AGMO: variants seen among roughly 807,000 people sequenced by gnomAD.
AGMO encodes the protein alkylglycerol monooxygenase, also known as glyceryl-ether monooxygenase.
A neutral mutation model predicts 60.2 loss-of-function variants in AGMO; 75 were observed. The observed-to-expected ratio is 1.25, with a 90% CI of 1.03 to 1.51. AGMO has a LOEUF of 1.51. Ranked by LOEUF, AGMO falls within the 40% of genes most tolerant of loss-of-function variation. The probability of loss-of-function intolerance (pLI) is 0.00; values close to 1 mark genes in which losing one functional copy is unlikely to be tolerated. For missense variants in AGMO, 763 were observed against 525.5 expected (o/e 1.45, Z -4.42); for synonymous variants, 261 against 177.1 (o/e 1.47, Z -3.76).
intron 5 of AGMO, 107 bp downstream of exon 5, chr7:15,418,451 G>A: frequency 1.5e-6 from 1 of 669,596 alleles, no homozygotes; most frequent in Non-Finnish European, 2.5e-6. Flanking sequence ...CTTAGAAAAG[G>A]CAGACAAAGA....
chr7:15,251,216 TC>T lies in AGMO; in HGVS notation c.1264-49858del, dbSNP rs143818820. ...ATGGCCCTGTTTCTTTGTCCATAGCTCACAAATTAAGGAGTATACACATGAC... is the reference window on the plus strand; with the variant it reads ...ATGGCCCTGTTTCTTTGTCCATAGCTACAAATTAAGGAGTATACACATGAC... On this transcript the variant is annotated intron_variant, in intron 12 of 12. Transcript: ENST00000342526. Among the ~76,000 whole-genome samples the T allele has an allele frequency of 7.6e-3, 1,161 of 152,196 alleles. 14 individuals are homozygous for T. Among genetic ancestry groups the T allele is most frequent in the African/African-American group, 0.027 (1,109 of 41,518 alleles).
At chr7:15,368,734 G>T (rs1040066717) in intron 10 of AGMO, among the ~76,000 whole-genome samples, 1 of 152,140 alleles carries the variant, frequency 6.6e-6, no homozygotes, top group Non-Finnish European at 1.5e-5. Context: ...ATAAATAGAA[G>T]TTCTAATTAG....
chr7:15,515,373 A>G (rs11982131), intron 3 of AGMO, among the ~76,000 whole-genome samples: 3,243 of 152,266 alleles, frequency 0.021, 89 homozygotes, highest in African/African-American at 0.073. Context: ...GCTTTAGGAA[A>G]ACACAGAACC....
intron 12 of AGMO, among the ~76,000 whole-genome samples, chr7:15,337,771 A>G (rs1781709906): frequency 6.6e-6 from 1 of 152,222 alleles, no homozygotes; most frequent in Non-Finnish European, 1.5e-5. Flanking sequence ...GCGACTGCTG[A>G]GTCTCACCAG....
At chr7:15,382,343 C>A (rs909799205) in intron 10 of AGMO, among the ~76,000 whole-genome samples, 1 of 151,970 alleles carries the variant, frequency 6.6e-6, no homozygotes, top group East Asian at 1.9e-4. Context: ...CAGGTATATA[C>A]GAGGAATGTG....
chr7:15,430,353 T>C (rs905705060), intron 4 of AGMO, among the ~76,000 whole-genome samples: 2 of 151,794 alleles, frequency 1.3e-5, no homozygotes, highest in Non-Finnish European at 3.0e-5. Context: ...TTCAGTATCA[T>C]GTATTTTCAT....
intron 10 of AGMO, among the ~76,000 whole-genome samples, chr7:15,373,457 A>G (rs1783310442): frequency 6.6e-6 from 1 of 152,124 alleles, no homozygotes. Context: ...CAGCAGAATT[A>G]CATGTTTGAC....
intron 12 of AGMO, among the ~76,000 whole-genome samples, chr7:15,352,360 T>C (rs960096704): frequency 6.6e-6 from 1 of 152,104 alleles, no homozygotes; most frequent in African/African-American, 2.4e-5. Flanking sequence ...ACTGCAGCTG[T>C]TGGCTGCCAC....
intron 3 of AGMO, among the ~76,000 whole-genome samples, chr7:15,532,710 G>C (rs959977769): frequency 1.5e-5 from 1 of 66,798 alleles, no homozygotes; most frequent in African/African-American, 3.9e-5. Flanking sequence ...ATCTTCCTAG[G>C]CTGGGTGCGG....
chr7:15,230,871 GC>G (rs1362884889), intron 12 of AGMO, among the ~76,000 whole-genome samples: 1 of 152,108 alleles, frequency 6.6e-6, no homozygotes, highest in East Asian at 1.9e-4. Flanking sequence ...CATCCCATTG[GC>G]CCTCAAACTG....
chr7:15,431,920 T>C (rs935780499), intron 3 of AGMO, among the ~76,000 whole-genome samples: 1 of 151,866 alleles, frequency 6.6e-6, no homozygotes, highest in African/African-American at 2.4e-5. Context: ...CCCTAAGTAG[T>C]TGACACAGAA....
chr7:15,485,913 T>A (rs1262598657), intron 3 of AGMO, among the ~76,000 whole-genome samples: 1 of 152,104 alleles, frequency 6.6e-6, no homozygotes, highest in Non-Finnish European at 1.5e-5. Context: ...GGTTTAGGCA[T>A]AGTTATAGAG....
chr7:15,163,407 G>A, the AGMO span, among the ~76,000 whole-genome samples: 2 of 152,024 alleles, frequency 1.3e-5, no homozygotes, highest in Non-Finnish European at 2.9e-5. Flanking sequence ...CCAGTTCTTA[G>A]GGGGAATACT....
the AGMO span, among the ~76,000 whole-genome samples, chr7:15,172,351 T>C: frequency 6.6e-6 from 1 of 152,180 alleles, no homozygotes; most frequent in East Asian, 1.9e-4. Context: ...CCAATTCAGC[T>C]TTCTTCCAGA....
At chr7:15,452,881 T>A (rs1027487460) in intron 3 of AGMO, among the ~76,000 whole-genome samples, 1 of 152,206 alleles carries the variant, frequency 6.6e-6, no homozygotes, top group African/African-American at 2.4e-5. Flanking sequence ...TACAATGGAA[T>A]ATTAGCAAGC....
At chr7:15,160,162 C>A in the AGMO span, among the ~76,000 whole-genome samples, 3 of 152,128 alleles carry the variant, frequency 2.0e-5, no homozygotes, top group African/African-American at 7.2e-5. Flanking sequence ...CACCCTTAAA[C>A]TTCAAGGGGA....
At chr7:15,508,547 A>G (rs911199395) in intron 3 of AGMO, among the ~76,000 whole-genome samples, 2 of 152,112 alleles carry the variant, frequency 1.3e-5, no homozygotes, top group East Asian at 3.9e-4. Context: ...GCAGGGAACT[A>G]AAAAGTGTAT....
At chr7:15,427,079 T>A (rs1429656832) in intron 4 of AGMO, among the ~76,000 whole-genome samples, 6 of 152,066 alleles carry the variant, frequency 3.9e-5, no homozygotes, top group Non-Finnish European at 7.4e-5. Context: ...AATGAAAAAA[T>A]GAAGAGTTTC....
chr7:15,362,844 T>C (rs1322242098), intron 12 of AGMO, among the ~76,000 whole-genome samples: 1 of 152,254 alleles, frequency 6.6e-6, no homozygotes, highest in African/African-American at 2.4e-5. Context: ...ACTTTTGCTA[T>C]ATTTTGCCAC....
Sources: allele counts gnomAD v4.1 joint callset (sites outside exome capture counted in the v4.1 genomes callset), GRCh38; gene constraint gnomAD v4.1.1; transcripts MANE v1.5; gene names NCBI Gene and HGNC (gene_info 2026-07-23, HGNC 2026-07-21).